Variants in LDHA observed in about 807,000 individuals in gnomAD.
LDHA encodes the protein L-lactate dehydrogenase A chain.
LDHA carries 10 observed loss-of-function variants against 36.3 expected under a neutral mutation model. The observed-to-expected ratio is 0.28, with a 90% CI of 0.17 to 0.47. The LOEUF (loss-of-function observed/expected upper bound fraction) is 0.47. Among genes scored for constraint, LDHA ranks in the 20% least tolerant of loss-of-function variants. The pLI is 0.99. For missense variants in LDHA, 267 were observed against 405.8 expected (o/e 0.66, Z 2.94); for synonymous variants, 110 against 136.7 (o/e 0.80, Z 1.36).
rs184854190 is a variant in LDHA at position 18,408,364 on chromosome 11, C to G, written c.*1083C>G. ...AAACAAAACCAAAAAAAACAAGTAA[C>G]CTTGGTGGATGTCTACTCAAGTTTT... On this transcript the variant is annotated 3_prime_UTR_variant, in exon 8 of 8. Transcript: ENST00000422447. The G allele has an allele frequency of 8.3e-6, 3 of 360,236 alleles. No homozygotes were observed. The highest frequency in any genetic ancestry group is 2.1e-5 in the African/African-American group (1 of 46,732). 22.3% of individuals were successfully genotyped at this position (360,236 alleles called of 1,614,324 possible). A position where few individuals can be genotyped will look rare whatever the true frequency, so the allele number is the denominator to read the frequency against.
At chr11:18,404,948 A>G (rs1453302324) in intron 6 of LDHA, among the ~76,000 whole-genome samples, 1 of 152,208 alleles carries the variant, frequency 6.6e-6, no homozygotes, top group Non-Finnish European at 1.5e-5. Flanking sequence ...ATATCTGTCA[A>G]ATAACATTGT....
intron 7 of LDHA, among the ~76,000 whole-genome samples, chr11:18,406,373 T>A (rs541633486): frequency 7.2e-6 from 1 of 139,550 alleles, no homozygotes; most frequent in Admixed American, 8.0e-5. Context: ...GCCCAGGTGT[T>A]TGAGACCACC....
intron 6 of LDHA, 22 bp from the exon 7 acceptor site, chr11:18,405,427 C>T (rs541062699): frequency 6.2e-7 from 1 of 1,611,872 alleles, no homozygotes; most frequent in African/African-American, 1.3e-5. Context: ...TCTGCCTTTA[C>T]CTATGGTTTC....
Position 18,405,522 on chromosome 11 carries a change from A to C in LDHA, c.784A>C (p.Ser262Arg). 1 of 1,614,040 alleles carries C rather than the reference A, an allele frequency of 6.2e-7. No individual in the cohort carries two copies. The highest frequency in any genetic ancestry group is 8.5e-7 in the Non-Finnish European group (1 of 1,179,938). The change falls in exon 7 of 8, where the codon AGT becomes CGT. Residue 262 changes from serine (S) to arginine (R), a missense_variant. Physicochemically the swap from Ser to Arg is moderately radical, Grantham distance 110. Coordinates refer to ENST00000422447, the MANE Select transcript of LDHA (RefSeq NM_005566.4). ...ACTCTCTGTAGCAGATTTGGCAGAG[A>C]GTATAATGAAGAATCTTAGGCGGGT... Reference protein sequence around the residue: ...IGLSVADLAESIMKNLRRVHP... With the variant: ...IGLSVADLAERIMKNLRRVHP...
chr11:18,404,593 G>A (rs1200225011), intron 6 of LDHA, among the ~76,000 whole-genome samples: 3 of 152,006 alleles, frequency 2.0e-5, no homozygotes, highest in Non-Finnish European at 4.4e-5. Flanking sequence ...CAGATCACGA[G>A]GTCAGGAGAT....
intron 1 of LDHA, chr11:18,396,262 G>T (rs1866295920): frequency 2.9e-6 from 1 of 344,844 alleles, no homozygotes; most frequent in South Asian, 1.5e-4. Flanking sequence ...CCCATCTTCC[G>T]GACTTGGGCG....
chr11:18,403,827 A>G lies in LDHA; in HGVS notation c.710+16A>G, dbSNP rs376918699. 9.2e-6 allele frequency: 12 copies of G among 1,304,606 alleles called. No individual in the cohort carries two copies. The highest frequency in any genetic ancestry group is 1.3e-5 in the Non-Finnish European group (12 of 897,818). The allele number at this position is 1,304,606 out of a possible 1,614,324, so 80.8% of individuals were successfully genotyped here. A position where few individuals can be genotyped will look rare whatever the true frequency, so the allele number is the denominator to read the frequency against. On this transcript the variant is annotated intron_variant, in intron 6 of 7. Transcript: ENST00000422447. The stretch of plus-strand genomic sequence containing the variant: ...TGGTTGAGAGGTAATAAATCTTTCA[A>G]TTTGGCAACACAGAATATTAACATT...
chr11:18,398,629 T>TTTTTTTTTTTTC lies in LDHA; in HGVS notation c.127-802_127-801insTTTTTTTTTTTC, dbSNP rs1554960741. 20 of 87,652 alleles carry TTTTTTTTTTTTC rather than the reference T, an allele frequency of 2.3e-4. 3 individuals carry two copies. Among genetic ancestry groups the TTTTTTTTTTTTC allele is most frequent in the African/African-American group, 7.3e-4 (18 of 24,540 alleles). The allele number at this position is 87,652 out of a possible 1,614,324, so 5.4% of individuals were successfully genotyped here. A position where few individuals can be genotyped will look rare whatever the true frequency, so the allele number is the denominator to read the frequency against. On this transcript the variant is annotated intron_variant, in intron 2 of 7. Coordinates refer to ENST00000422447, the MANE Select transcript of LDHA (RefSeq NM_005566.4). ...TTTTTTTTTTTTTTTTTTTTTTTTT[T>TTTTTTTTTTTTC]CTGAGAAGGAGTCTCGCCGTGTCGC...
chr11:18,396,210 C>T (rs1322617016), intron 1 of LDHA: 5 of 264,546 alleles, frequency 1.9e-5, no homozygotes, highest in Non-Finnish European at 3.5e-5. Context: ...TCGCCCTGCG[C>T]GCTGTAATGC....
intron 4 of LDHA, 76 bp downstream of exon 4, chr11:18,401,086 T>A: frequency 1.9e-6 from 1 of 535,318 alleles, no homozygotes; most frequent in Non-Finnish European, 2.8e-6. Context: ...TTATATATAT[T>A]TTAAATATTT....
chr11:18,395,102 T>C (rs1866248878), intron 1 of LDHA: 1 of 181,214 alleles, frequency 5.5e-6, no homozygotes, highest in South Asian at 9.3e-5. Context: ...GGCTTGCATT[T>C]TTCTCTTGGG....
chr11:18,401,742 G>C (rs1033421768), intron 4 of LDHA, among the ~76,000 whole-genome samples: 3 of 151,366 alleles, frequency 2.0e-5, no homozygotes, highest in Non-Finnish European at 4.4e-5. Context: ...CTCCCAAAGT[G>C]CTGGGATTAC....
intron 3 of LDHA, chr11:18,399,872 G>C (rs1866420921): frequency 6.4e-6 from 2 of 314,654 alleles, no homozygotes; most frequent in Non-Finnish European, 1.2e-5. Flanking sequence ...TGGGATTGCA[G>C]GTGTGAACCA....
At chr11:18,397,037 A>G in intron 2 of LDHA, 69 bp downstream of exon 2, 1 of 1,341,690 alleles carries the variant, frequency 7.5e-7, no homozygotes, top group Non-Finnish European at 1.1e-6. Context: ...TCCTACCCCT[A>G]GAACTGTATT....
chr11:18,405,696 C>G (rs1866658643), intron 7 of LDHA, 124 bp downstream of exon 7: 2 of 1,065,506 alleles, frequency 1.9e-6, no homozygotes, highest in Non-Finnish European at 2.9e-6. Flanking sequence ...TTAATGTACC[C>G]ACAGCTTACC....
At chr11:18,398,424 G>A (rs1032634180) in intron 2 of LDHA, among the ~76,000 whole-genome samples, 2 of 150,790 alleles carry the variant, frequency 1.3e-5, no homozygotes, top group Non-Finnish European at 2.9e-5. Flanking sequence ...ACGGAATCTC[G>A]CTTTGTTGCC....
intron 1 of LDHA, among the ~76,000 whole-genome samples, chr11:18,395,486 A>G (rs1169516408): frequency 3.9e-5 from 6 of 151,986 alleles, no homozygotes; most frequent in African/African-American, 7.2e-5. Context: ...GTAGCATTGG[A>G]TCCCGGGGCC....
intron 7 of LDHA, 104 bp downstream of exon 7, chr11:18,405,676 G>A: frequency 7.7e-7 from 1 of 1,302,070 alleles, no homozygotes; most frequent in Non-Finnish European, 1.1e-6. Flanking sequence ...ACTGACTTAA[G>A]TGAAATAAAT....
chr11:18,403,831 G>C lies in LDHA; in HGVS notation c.710+20G>C. 1 of 1,277,894 alleles carries C rather than the reference G, an allele frequency of 7.8e-7. No individual in the cohort carries two copies. Among genetic ancestry groups the C allele is most frequent in the Non-Finnish European group, 1.1e-6 (1 of 873,674 alleles). 79.2% of individuals were successfully genotyped at this position (1,277,894 alleles called of 1,614,324 possible). ...TGAGAGGTAATAAATCTTTCAATTT[G>C]GCAACACAGAATATTAACATTTACT... On this transcript the variant is annotated intron_variant, in intron 6 of 7. Coordinates refer to ENST00000422447, the MANE Select transcript of LDHA (RefSeq NM_005566.4).
Sources: gnomAD v4.1 joint callset for allele counts (sites outside exome capture counted in the v4.1 genomes callset) on GRCh38, gnomAD v4.1.1 for gene constraint, MANE v1.5 for transcripts, NCBI Gene and HGNC (gene_info 2026-07-23, HGNC 2026-07-21) for gene names.